The following DCC variants were observed in gnomAD, a reference collection of about 807,000 sequenced individuals.
DCC encodes DCC netrin 1 receptor.
In DCC, 58 loss-of-function variants were observed where a neutral mutation model predicts 172.5. The observed-to-expected ratio is 0.34, with a 90% CI of 0.27 to 0.42. The LOEUF (loss-of-function observed/expected upper bound fraction) is 0.42, where lower values mean the gene tolerates loss of function less well. DCC is among the 10% of genes least tolerant of loss of function. The pLI is 1.00. For synonymous variants in DCC, 709 were observed against 644.5 expected (o/e 1.10, Z -1.52); for missense variants, 1,740 against 1,791.0 (o/e 0.97, Z 0.51).
chr18:52,541,096 C>T (rs2032432790), intron 1 of DCC, among the ~76,000 whole-genome samples: 1 of 152,174 alleles, frequency 6.6e-6, no homozygotes, highest in Non-Finnish European at 1.5e-5. Context: ...AGGTGACTGC[C>T]TCTACAGCTG....
At chr18:52,928,289 G>C (rs576518955) in intron 5 of DCC, among the ~76,000 whole-genome samples, 144 of 152,192 alleles carry the variant, frequency 9.5e-4, no homozygotes, top group African/African-American at 3.1e-3. Flanking sequence ...GGCCTACTGA[G>C]AGTGGAGGGT....
intron 23 of DCC, among the ~76,000 whole-genome samples, chr18:53,456,310 A>G (rs2045482185): frequency 1.3e-5 from 2 of 152,186 alleles, no homozygotes; most frequent in African/African-American, 4.8e-5. Flanking sequence ...CATGCTGTCA[A>G]AGTTTTGCCA....
chr18:53,193,630 GATGTA>G (rs2055398816), intron 9 of DCC, among the ~76,000 whole-genome samples: 1 of 152,068 alleles, frequency 6.6e-6, no homozygotes, highest in Non-Finnish European at 1.5e-5. Flanking sequence ...TGTTACCCAA[GATGTA>G]ATAGATGGGA....
intron 2 of DCC, among the ~76,000 whole-genome samples, chr18:52,890,165 G>A (rs189957663): frequency 2.6e-5 from 4 of 152,182 alleles, no homozygotes; most frequent in East Asian, 3.9e-4. Context: ...GTTAAATTCC[G>A]ATATTTTAGC....
chr18:53,376,326 G>A (rs1425784876), intron 15 of DCC, among the ~76,000 whole-genome samples: 2 of 152,142 alleles, frequency 1.3e-5, no homozygotes, highest in African/African-American at 2.4e-5. Flanking sequence ...GGAGGTTGCA[G>A]TGAGCCAAGA....
intron 9 of DCC, among the ~76,000 whole-genome samples, chr18:53,197,307 G>A (rs1391152326): frequency 1.3e-5 from 2 of 151,678 alleles, no homozygotes; most frequent in African/African-American, 2.4e-5. Context: ...CTAATAAAGG[G>A]ATAGAATCAG....
chr18:53,433,061 C>T (rs1911723867), intron 21 of DCC, among the ~76,000 whole-genome samples: 1 of 152,008 alleles, frequency 6.6e-6, no homozygotes, highest in African/African-American at 2.4e-5. Context: ...TGATATTAAT[C>T]TAATTATAAG....
chr18:53,406,703 CAA>C (rs35372678), intron 19 of DCC, among the ~76,000 whole-genome samples: 37 of 92,308 alleles, frequency 4.0e-4, no homozygotes, highest in Non-Finnish European at 3.9e-4. Context: ...GACTCTGTCT[CAA>C]AAAAAAAAAA....
chr18:53,412,140 T>C (rs1034409986), intron 20 of DCC, among the ~76,000 whole-genome samples: 2 of 152,274 alleles, frequency 1.3e-5, no homozygotes, highest in Middle Eastern at 3.4e-3. Flanking sequence ...TTACCCTAAG[T>C]GCCCTAAACA....
Position 52,901,611 on chromosome 18 carries a change from G to A in DCC, c.413-4433G>A, listed in dbSNP as rs992404870. 6.6e-5 allele frequency among the ~76,000 whole-genome samples: 10 copies of A among 152,048 alleles called. No individual in the cohort carries two copies. The South Asian group carries it at 1.0e-3, about 16-fold the overall frequency. Reference sequence around the variant, plus strand: ...AATGGCATAAATGATAAAACAATCCGTTCCCAAAGTCCTCTAGCTTGTTAA... The same window carrying A: ...AATGGCATAAATGATAAAACAATCCATTCCCAAAGTCCTCTAGCTTGTTAA... On this transcript the variant is annotated intron_variant, in intron 2 of 28. Transcript: ENST00000442544.
At chr18:52,354,528 T>C (rs1044220825) in intron 1 of DCC, among the ~76,000 whole-genome samples, 5 of 152,170 alleles carry the variant, frequency 3.3e-5, no homozygotes, top group Non-Finnish European at 2.9e-5. Flanking sequence ...GCCAAAACAC[T>C]GTCAGAGAAC....
chr18:52,669,768 G>T (rs910599769), intron 1 of DCC, among the ~76,000 whole-genome samples: 1 of 152,144 alleles, frequency 6.6e-6, no homozygotes, highest in African/African-American at 2.4e-5. Context: ...CTCCATGGGG[G>T]TTACTGTTCT....
At chr18:52,998,143 TCATATGCTCAGTGGC>T (rs1321410353) in intron 5 of DCC, among the ~76,000 whole-genome samples, 1 of 152,140 alleles carries the variant, frequency 6.6e-6, no homozygotes, top group East Asian at 1.9e-4. Flanking sequence ...TTGCCACATT[TCATATGCTCAGTGGC>T]CATATGTGGC....
At chr18:53,203,466 C>G (rs2055576913) in intron 9 of DCC, among the ~76,000 whole-genome samples, 1 of 151,966 alleles carries the variant, frequency 6.6e-6, no homozygotes, top group Non-Finnish European at 1.5e-5. Context: ...CAAGGAATCT[C>G]AAGGTTCCAG....
rs2043042202 is a variant in DCC, at chr18:53,093,452, T to G, written c.1261+27286T>G. Among the ~76,000 whole-genome samples, 3 of 152,096 alleles carry G rather than the reference T, an allele frequency of 2.0e-5. No individual in the cohort carries two copies. The South Asian group carries it at 6.2e-4, about 32-fold the overall frequency. On this transcript the variant is annotated intron_variant, in intron 7 of 28. Coordinates refer to ENST00000442544, the MANE Select transcript of DCC (RefSeq NM_005215.4). Reference sequence around the variant, plus strand: ...TCAAAAGATTGTTGATTTGGGAAAATGATCATAAGGCTGATAAGTTTTCTC... The same window carrying G: ...TCAAAAGATTGTTGATTTGGGAAAAGGATCATAAGGCTGATAAGTTTTCTC...
intron 9 of DCC, among the ~76,000 whole-genome samples, chr18:53,200,250 A>G (rs1045688720): frequency 9.9e-5 from 15 of 152,200 alleles, no homozygotes; most frequent in African/African-American, 3.6e-4. Context: ...ACAGGCTCAC[A>G]TGCACACCAA....
Position 53,503,694 on chromosome 18 carries a change from TAGG to T in DCC, c.4111+4187_4111+4189del, listed in dbSNP as rs1209042739. 2.6e-5 allele frequency among the ~76,000 whole-genome samples: 4 copies of T among 152,314 alleles called. No individual in the cohort carries two copies. In the South Asian group the frequency reaches 8.3e-4, roughly 32 times the overall value. Reference sequence around the variant, plus strand: ...AGCTGCACTTTAAATGAACCTGGGTTAGGAGACCATTTGTCTTCTAGAGATGTA... The same window carrying T: ...AGCTGCACTTTAAATGAACCTGGGTTAGACCATTTGTCTTCTAGAGATGTA... On this transcript the variant is annotated intron_variant, in intron 27 of 28. Transcript: ENST00000442544.
intron 1 of DCC, among the ~76,000 whole-genome samples, chr18:52,411,700 T>C (rs1236416189): frequency 6.6e-6 from 1 of 152,164 alleles, no homozygotes; most frequent in Non-Finnish European, 1.5e-5. Context: ...TCCAGGTTCT[T>C]CCACATATTA....
At chr18:52,797,976 A>G (rs1406633330) in intron 2 of DCC, among the ~76,000 whole-genome samples, 2 of 152,030 alleles carry the variant, frequency 1.3e-5, no homozygotes, top group African/African-American at 2.4e-5. Flanking sequence ...GGTGCACTGG[A>G]CCTGTTAGAC....
Sources: gnomAD v4.1 joint callset for allele counts (sites outside exome capture counted in the v4.1 genomes callset) on GRCh38, gnomAD v4.1.1 for gene constraint, MANE v1.5 for transcripts, NCBI Gene and HGNC (gene_info 2026-07-23, HGNC 2026-07-21) for gene names.